Variants in PTPRT observed in about 807,000 individuals in gnomAD.
PTPRT encodes protein tyrosine phosphatase receptor type T, also known as receptor-type tyrosine-protein phosphatase T.
A neutral mutation model predicts 176.8 loss-of-function variants in PTPRT; 56 were observed. The observed-to-expected ratio is 0.32, with a 90% confidence interval of 0.26 to 0.40. The LOEUF (loss-of-function observed/expected upper bound fraction) is 0.40, where lower values mean the gene tolerates loss of function less well. Among genes scored for constraint, PTPRT ranks in the 10% least tolerant of loss-of-function variants. The pLI, the probability that PTPRT is intolerant of heterozygous loss-of-function variation, is 1.00. For synonymous variants in PTPRT, 783 were observed against 739.0 expected (o/e 1.06, Z -0.96); for missense variants, 1,540 against 1,908.2 (o/e 0.81, Z 3.60).
chr20:42,557,893 C>T (rs2072887306), intron 7 of PTPRT, among the ~76,000 whole-genome samples: 1 of 152,208 alleles, frequency 6.6e-6, no homozygotes, highest in African/African-American at 2.4e-5. Context: ...ATGGCCAACC[C>T]ATTGGGCAAT....
chr20:42,047,612 C>A, the PTPRT span, among the ~76,000 whole-genome samples: 62 of 152,302 alleles, frequency 4.1e-4, no homozygotes, highest in African/African-American at 1.4e-3. Context: ...TCATTAGCTT[C>A]TTGTAAGCTT....
At chr20:42,930,864 T>C (rs1276573704) in intron 1 of PTPRT, among the ~76,000 whole-genome samples, 2 of 152,272 alleles carry the variant, frequency 1.3e-5, no homozygotes, top group East Asian at 1.9e-4. Context: ...TTTCAGCAAG[T>C]AGCAAGATAC....
At position 43,096,591 on chromosome 20, in the gene PTPRT, C is replaced by G. The variant is rs147856673; in HGVS notation, c.88+93055G>C. Reference sequence around the variant, plus strand: ...CCCCAGCTCAGCAGGCTCCCGCCCCCCATCCACAGCTCTGCCTGTGTAAGG... The same window carrying G: ...CCCCAGCTCAGCAGGCTCCCGCCCCGCATCCACAGCTCTGCCTGTGTAAGG... On this transcript the variant is annotated intron_variant, in intron 1 of 30. Transcript: ENST00000373187. 4.6e-5 allele frequency among the ~76,000 whole-genome samples: 7 copies of G among 152,350 alleles called. No individual in the cohort carries two copies. In the East Asian group the frequency reaches 1.4e-3, roughly 29 times the overall value.
chr20:43,062,610 C>T (rs12480215), intron 1 of PTPRT, among the ~76,000 whole-genome samples: 15,321 of 152,204 alleles, frequency 0.1, 914 homozygotes, highest in African/African-American at 0.15. Context: ...ATCACGTTAA[C>T]GCTATGCTAG....
chr20:42,223,074 G>T (rs1290112065), intron 15 of PTPRT, among the ~76,000 whole-genome samples: 1 of 152,202 alleles, frequency 6.6e-6, no homozygotes, highest in Non-Finnish European at 1.5e-5. Context: ...CCATGTTGAT[G>T]ACTGTGGTAG....
Position 42,204,432 on chromosome 20 carries a change from A to G in PTPRT, c.2343-5044T>C, listed in dbSNP as rs1391940556. Among the ~76,000 whole-genome samples, 4 of 152,106 alleles carry G rather than the reference A, an allele frequency of 2.6e-5. No homozygotes were observed. The South Asian group carries it at 8.3e-4, about 31-fold the overall frequency. ...GATTTTTTTCTGTAGTTGCTTTGAG[A>G]TTTTTGCCAACTGGGTCACACAATT... On this transcript the variant is annotated intron_variant, in intron 15 of 30. Coordinates refer to ENST00000373187, the MANE Select transcript of PTPRT (RefSeq NM_007050.6).
chr20:42,063,716 C>T, the PTPRT span: 1 of 152,112 alleles, frequency 6.6e-6, no homozygotes, highest in African/African-American at 2.4e-5. Context: ...TGTCTGCCCT[C>T]ATGATTGTCT....
rs112591824 is a variant in PTPRT, at chr20:42,454,375, A to C, written c.1451-6046T>G. On this transcript the variant is annotated intron_variant, in intron 8 of 30. Transcript: ENST00000373187. The stretch of plus-strand genomic sequence containing the variant: ...ACTTAGGAAGAGAGGGTCTATTCCT[A>C]TGACTGAAGGGCTTATCTATCTTTG... Among the ~76,000 whole-genome samples the C allele has an allele frequency of 4.9e-3, 746 of 152,338 alleles. 6 individuals are homozygous for C. Among genetic ancestry groups the C allele is most frequent in the African/African-American group, 0.016 (685 of 41,564 alleles).
At chr20:42,071,450 A>G (rs1320969635), downstream of PTPRT, among the ~76,000 whole-genome samples, 2 of 152,088 alleles carry the variant, frequency 1.3e-5, no homozygotes, top group Non-Finnish European at 2.9e-5. Flanking sequence ...TAATTTTAGC[A>G]TGTATTATAA....
intron 15 of PTPRT, among the ~76,000 whole-genome samples, chr20:42,200,541 C>T (rs1384307660): frequency 1.3e-5 from 2 of 152,142 alleles, no homozygotes; most frequent in Non-Finnish European, 2.9e-5. Context: ...TTTGACCTCA[C>T]TGAGGAACTA....
intron 7 of PTPRT, among the ~76,000 whole-genome samples, chr20:42,506,776 C>T (rs892813910): frequency 5.3e-5 from 8 of 152,040 alleles, no homozygotes; most frequent in African/African-American, 1.7e-4. Flanking sequence ...AGAATCAATC[C>T]GTACGTTTTT....
At chr20:42,879,277 T>C (rs970195056) in intron 2 of PTPRT, among the ~76,000 whole-genome samples, 1 of 152,122 alleles carries the variant, frequency 6.6e-6, no homozygotes, top group Non-Finnish European at 1.5e-5. Flanking sequence ...GGCCACGTTG[T>C]CTCCAAAAGC....
chr20:42,389,971 T>A (rs1405769887), intron 9 of PTPRT, among the ~76,000 whole-genome samples: 3 of 152,170 alleles, frequency 2.0e-5, no homozygotes, highest in Admixed American at 6.5e-5. Context: ...GGCGCTAAAC[T>A]GTGACCTAAT....
intron 7 of PTPRT, among the ~76,000 whole-genome samples, chr20:42,560,986 C>T (rs1218814944): frequency 6.6e-6 from 1 of 152,186 alleles, no homozygotes; most frequent in African/African-American, 2.4e-5. Flanking sequence ...GGGCTACTTC[C>T]TCCTGGGGAA....
chr20:42,883,681 A>ACG (rs2079041467), intron 2 of PTPRT, among the ~76,000 whole-genome samples: 1 of 144,340 alleles, frequency 6.9e-6, no homozygotes, highest in African/African-American at 2.6e-5. Context: ...AAACACACGG[A>ACG]CACACACACA....
intron 2 of PTPRT, among the ~76,000 whole-genome samples, chr20:42,811,469 T>G (rs1246395700): frequency 6.6e-6 from 1 of 152,184 alleles, no homozygotes; most frequent in Non-Finnish European, 1.5e-5. Flanking sequence ...AAAACTAGCC[T>G]TTCAAATACT....
At position 42,179,998 on chromosome 20, in the gene PTPRT, G is replaced by C. The variant is rs748534750; in HGVS notation, c.2492-18456C>G. 2.0e-5 allele frequency among the ~76,000 whole-genome samples: 3 copies of C among 152,152 alleles called. No homozygotes were observed. In the East Asian group the frequency reaches 5.8e-4, roughly 29 times the overall value. ...AGCACCAAGGACAGATCCTGGATGCGGTGGCTCCGGGAAGATTCCTGCAGA... is the reference window on the plus strand; with the variant it reads ...AGCACCAAGGACAGATCCTGGATGCCGTGGCTCCGGGAAGATTCCTGCAGA... On this transcript the variant is annotated intron_variant, in intron 16 of 30. Coordinates refer to ENST00000373187, the MANE Select transcript of PTPRT (RefSeq NM_007050.6).
intron 12 of PTPRT, among the ~76,000 whole-genome samples, chr20:42,312,296 G>A (rs567382115): frequency 6.6e-6 from 1 of 152,042 alleles, no homozygotes; most frequent in Non-Finnish European, 1.5e-5. Flanking sequence ...ATTTGCACAC[G>A]AACAACAACT....
chr20:42,393,310 C>A (rs903119126), intron 9 of PTPRT, among the ~76,000 whole-genome samples: 23 of 152,136 alleles, frequency 1.5e-4, no homozygotes, highest in Non-Finnish European at 2.1e-4. Context: ...TTCATTGTAA[C>A]CCTTTTTAAA....
Sources: gnomAD v4.1 joint callset for allele counts (sites outside exome capture counted in the v4.1 genomes callset) on GRCh38, gnomAD v4.1.1 for gene constraint, MANE v1.5 for transcripts, NCBI Gene and HGNC (gene_info 2026-07-23, HGNC 2026-07-21) for gene names.